SLC9A2: variants seen among roughly 807,000 people sequenced by gnomAD.
The protein encoded by SLC9A2 is solute carrier family 9 member A2.
In SLC9A2, 42 loss-of-function variants were observed where a neutral mutation model predicts 71.7. The observed-to-expected ratio is 0.59, with a 90% CI of 0.46 to 0.76. SLC9A2 has a LOEUF of 0.76. Among genes scored for constraint, SLC9A2 ranks in the 30% least tolerant of loss-of-function variants. The pLI is 0.00. For missense variants in SLC9A2, 829 were observed against 1,017.4 expected (o/e 0.81, Z 2.52); for synonymous variants, 396 against 392.5 (o/e 1.01, Z -0.10).
In SLC9A2 at chr2:102,657,559, A is replaced by G. The variant is rs2104519870; in HGVS notation, c.290-5A>G. The G allele has an allele frequency of 6.3e-7, 1 of 1,577,392 alleles. No homozygotes were observed. Among genetic ancestry groups the G allele is most frequent in the South Asian group, 1.2e-5 (1 of 85,486 alleles). On this transcript the variant is annotated splice_region_variant and splice_polypyrimidine_tract_variant and intron_variant, in intron 1 of 11. Transcript: ENST00000233969. The stretch of plus-strand genomic sequence containing the variant: ...AGTTGTGTGTTTTTATTTTTTCCTT[A>G]CCAGGCTTCCATCTGTATCACAAGT...
At chr2:102,649,877 AATTAGTTCAACC>A (rs1676798187) in intron 1 of SLC9A2, among the ~76,000 whole-genome samples, 2 of 152,200 alleles carry the variant, frequency 1.3e-5, no homozygotes, top group South Asian at 4.1e-4. Flanking sequence ...TGGGAGTGTA[AATTAGTTCAACC>A]ATTATGGAAG....
chr2:102,679,335 G>A (rs1369473664), intron 3 of SLC9A2, among the ~76,000 whole-genome samples: 1 of 151,724 alleles, frequency 6.6e-6, no homozygotes, highest in Admixed American at 6.6e-5. Flanking sequence ...GGACATTCAT[G>A]TTAAATTAAT....
intron 3 of SLC9A2, among the ~76,000 whole-genome samples, chr2:102,679,040 G>A (rs750288591): frequency 2.6e-5 from 4 of 152,148 alleles, no homozygotes; most frequent in African/African-American, 4.8e-5. Context: ...TTGCTTGAGA[G>A]GCCAGGTGAC....
chr2:102,706,673 G>A (rs1388647425), intron 11 of SLC9A2, among the ~76,000 whole-genome samples: 1 of 152,218 alleles, frequency 6.6e-6, no homozygotes, highest in Non-Finnish European at 1.5e-5. Flanking sequence ...ATGGCATTCT[G>A]TGCAGATTCT....
chr2:102,703,942 G>C (rs1481422096), intron 9 of SLC9A2, among the ~76,000 whole-genome samples: 4 of 152,174 alleles, frequency 2.6e-5, no homozygotes, highest in Non-Finnish European at 5.9e-5. Flanking sequence ...GAAGGGCATG[G>C]CACCACCAAG....
At chr2:102,631,614 T>G (rs1573397404) in intron 1 of SLC9A2, among the ~76,000 whole-genome samples, 1 of 152,182 alleles carries the variant, frequency 6.6e-6, no homozygotes, top group East Asian at 1.9e-4. Flanking sequence ...GTGTCCATAT[T>G]GTTGGATATC....
At chr2:102,638,856 T>C (rs1656593131) in intron 1 of SLC9A2, among the ~76,000 whole-genome samples, 1 of 152,230 alleles carries the variant, frequency 6.6e-6, no homozygotes, top group Non-Finnish European at 1.5e-5. Flanking sequence ...TAAAAACTTT[T>C]AAAACCATTC....
chr2:102,683,469 C>G lies in SLC9A2; in HGVS notation c.1213C>G (p.Arg405Gly). ...CFTLAFCLMWRALGVFVLTQV... is the reference protein window; with the variant it reads ...CFTLAFCLMWGALGVFVLTQV... ...CACCCTGGCCTTCTGCCTCATGTGG[C>G]GAGCCCTGGGTAATGAGTGCTTGTT... Residue 405 changes from arginine (R) to glycine (G), a missense_variant, in exon 4 of 12, where the codon CGA becomes GGA. Physicochemically the swap from Arg to Gly is moderately radical, Grantham distance 125. Around this residue, in one of 3 missense-constraint regions of SLC9A2, gnomAD observed 500 missense variants for 726.3 expected, o/e 0.69. Transcript: ENST00000233969. 1 of 1,613,950 alleles carries G rather than the reference C, an allele frequency of 6.2e-7. No individual in the cohort carries two copies. The highest frequency in any genetic ancestry group is 8.5e-7 in the Non-Finnish European group (1 of 1,179,850).
At chr2:102,650,866 G>A (rs760624396) in intron 1 of SLC9A2, among the ~76,000 whole-genome samples, 1 of 152,124 alleles carries the variant, frequency 6.6e-6, no homozygotes, top group South Asian at 2.1e-4. Context: ...CCTAGAAATC[G>A]TCTGCCACTT....
In SLC9A2 at chr2:102,695,127, A is replaced by G; in HGVS notation, c.1586+14A>G. ...TTGGAGAGACAAGTAAGAAGGTCTTATGCCATTGGGTTATGAAGTGGCCCA... is the reference window on the plus strand; with the variant it reads ...TTGGAGAGACAAGTAAGAAGGTCTTGTGCCATTGGGTTATGAAGTGGCCCA... On this transcript the variant is annotated intron_variant, in intron 7 of 11. Coordinates refer to ENST00000233969, the MANE Select transcript of SLC9A2 (RefSeq NM_003048.6). 6.2e-7 allele frequency: 1 copy of G among 1,603,802 alleles called. No individual in the cohort carries two copies.
intron 6 of SLC9A2, among the ~76,000 whole-genome samples, 168 bp downstream of exon 6, chr2:102,694,671 G>A (rs570690750): frequency 2.6e-5 from 4 of 152,120 alleles, no homozygotes; most frequent in African/African-American, 9.7e-5. Flanking sequence ...AATAGATATG[G>A]CCCCACGGTA....
intron 1 of SLC9A2, among the ~76,000 whole-genome samples, chr2:102,656,061 C>G (rs1252081220): frequency 6.6e-6 from 1 of 152,208 alleles, no homozygotes; most frequent in African/African-American, 2.4e-5. Context: ...GGGGGACAGC[C>G]AAAGCGTAGC....
chr2:102,695,801 T>TATATATATAATATATATTATATATATA (rs1677753695), intron 7 of SLC9A2, among the ~76,000 whole-genome samples: 1 of 62,172 alleles, frequency 1.6e-5, no homozygotes, highest in African/African-American at 6.4e-5. Context: ...ATATATATAT[T>TATATATATAATATATATTATATATATA]ATATATATAT....
chr2:102,621,370 A>AG (rs1392615579), intron 1 of SLC9A2, among the ~76,000 whole-genome samples: 2 of 151,752 alleles, frequency 1.3e-5, no homozygotes, highest in African/African-American at 4.8e-5. Context: ...AAAAAAAAAA[A>AG]AAATTACCCA....
At chr2:102,639,322 ATTAC>A (rs1196956926) in intron 1 of SLC9A2, among the ~76,000 whole-genome samples, 1 of 152,202 alleles carries the variant, frequency 6.6e-6, no homozygotes, top group African/African-American at 2.4e-5. Flanking sequence ...TTTGTGAAAA[ATTAC>A]TTGTTTTACC....
intron 5 of SLC9A2, among the ~76,000 whole-genome samples, chr2:102,689,322 G>C (rs1250388158): frequency 6.6e-6 from 1 of 152,182 alleles, no homozygotes; most frequent in Non-Finnish European, 1.5e-5. Context: ...AGTGCTCATT[G>C]CTTGCAACCC....
intron 1 of SLC9A2, among the ~76,000 whole-genome samples, chr2:102,652,060 C>G (rs1044667221): frequency 2.6e-5 from 4 of 152,072 alleles, no homozygotes; most frequent in African/African-American, 9.7e-5. Context: ...AAACATGGAT[C>G]CATTTGAAAG....
intron 1 of SLC9A2, among the ~76,000 whole-genome samples, chr2:102,642,403 C>T (rs1676600735): frequency 6.6e-6 from 1 of 151,206 alleles, no homozygotes; most frequent in South Asian, 2.1e-4. Flanking sequence ...TCGTCACATA[C>T]TTTTTCTGCA....
At chr2:102,662,296 C>T (rs183446026) in intron 2 of SLC9A2, among the ~76,000 whole-genome samples, 1 of 152,300 alleles carries the variant, frequency 6.6e-6, no homozygotes, top group Non-Finnish European at 1.5e-5. Context: ...AATGTGCGAC[C>T]CAGCTGCAGA....
Sources: allele counts gnomAD v4.1 joint callset (sites outside exome capture counted in the v4.1 genomes callset), GRCh38; gene constraint gnomAD v4.1.1; regional missense constraint gnomAD v4.1.1; transcripts MANE v1.5; gene names NCBI Gene and HGNC (gene_info 2026-07-23, HGNC 2026-07-21).